The following ATF1 variants were observed in gnomAD, a reference collection of about 807,000 sequenced individuals.
ATF1 encodes the protein cyclic AMP-dependent transcription factor ATF-1.
A neutral mutation model predicts 34.7 loss-of-function variants in ATF1; 16 were observed. That is an observed-to-expected ratio of 0.46 (90% confidence interval 0.31 to 0.70). The LOEUF (loss-of-function observed/expected upper bound fraction) is 0.70, where lower values mean the gene tolerates loss of function less well. ATF1 is among the 30% of genes least tolerant of loss of function. The pLI, the probability that ATF1 is intolerant of heterozygous loss-of-function variation, is 0.05. For synonymous variants in ATF1, 105 were observed against 113.1 expected (o/e 0.93, Z 0.46); for missense variants, 255 against 321.6 (o/e 0.79, Z 1.58).
chr12:50,785,181 G>A (rs1016821452), intron 2 of ATF1, among the ~76,000 whole-genome samples: 6 of 150,168 alleles, frequency 4.0e-5, no homozygotes, highest in African/African-American at 1.5e-4. Context: ...CCTCTGCTTG[G>A]GAGGCTCAGG....
intron 4 of ATF1, among the ~76,000 whole-genome samples, chr12:50,810,123 G>A (rs1199628980): frequency 1.3e-5 from 2 of 150,574 alleles, no homozygotes; most frequent in African/African-American, 4.9e-5. Context: ...ATGAGCCACT[G>A]CGCCTGGCCT....
chr12:50,773,932 G>T (rs1940847276), intron 1 of ATF1, among the ~76,000 whole-genome samples: 1 of 152,110 alleles, frequency 6.6e-6, no homozygotes, highest in African/African-American at 2.4e-5. Flanking sequence ...TCTCATTGCG[G>T]TTTTGATTTA....
chr12:50,764,537 C>T (rs1468710627), intron 1 of ATF1: 1 of 152,368 alleles, frequency 6.6e-6, no homozygotes, highest in Non-Finnish European at 1.5e-5. Context: ...TCCTCCTTTC[C>T]CTCGCCCCCA....
At chr12:50,774,859 C>G (rs1940874330) in intron 1 of ATF1, among the ~76,000 whole-genome samples, 1 of 151,166 alleles carries the variant, frequency 6.6e-6, no homozygotes, top group African/African-American at 2.4e-5. Context: ...GCCATTCTCC[C>G]TCCTCAGCCT....
intron 3 of ATF1, among the ~76,000 whole-genome samples, chr12:50,804,739 A>C (rs1941580768): frequency 6.6e-6 from 1 of 152,196 alleles, no homozygotes; most frequent in Admixed American, 6.5e-5. Flanking sequence ...GATACATTAG[A>C]ACTTACAGTC....
intron 1 of ATF1, among the ~76,000 whole-genome samples, chr12:50,772,444 A>G (rs1029231902): frequency 6.7e-6 from 1 of 150,122 alleles, no homozygotes. Flanking sequence ...CTCCTTCCTC[A>G]GCCTCCCAAG....
chr12:50,783,506 C>T (rs1199137553), intron 2 of ATF1, among the ~76,000 whole-genome samples: 1 of 152,166 alleles, frequency 6.6e-6, no homozygotes. Flanking sequence ...TCCTCAGAAG[C>T]ATATTTACGG....
At chr12:50,813,565 G>C (rs936485036) in intron 4 of ATF1, among the ~76,000 whole-genome samples, 4 of 152,150 alleles carry the variant, frequency 2.6e-5, no homozygotes, top group Admixed American at 2.0e-4. Context: ...TGTAATCCCA[G>C]CACTTTGGGA....
intron 2 of ATF1, among the ~76,000 whole-genome samples, chr12:50,783,504 A>G (rs562996965): frequency 5.3e-5 from 8 of 152,348 alleles, no homozygotes; most frequent in African/African-American, 1.9e-4. Context: ...TTTCCTCAGA[A>G]GCATATTTAC....
intron 2 of ATF1, among the ~76,000 whole-genome samples, chr12:50,787,365 A>G (rs1216904292): frequency 6.6e-6 from 1 of 152,234 alleles, no homozygotes; most frequent in Non-Finnish European, 1.5e-5. Context: ...CCAGTGGGAA[A>G]GGTAGAAAAC....
intron 1 of ATF1, among the ~76,000 whole-genome samples, chr12:50,777,046 G>A (rs1473121565): frequency 6.6e-6 from 1 of 152,020 alleles, no homozygotes; most frequent in South Asian, 2.1e-4. Context: ...TAGAGATGGG[G>A]TTTCACTGTG....
At position 50,814,250 on chromosome 12, in the gene ATF1, C is replaced by G. The variant is rs547316482; in HGVS notation, c.512-30C>G. On this transcript the variant is annotated intron_variant, in intron 5 of 6. Transcript: ENST00000262053. ...TAACACTGTCAGAGACACTTACTAA[C>G]TAACTCATTCACTCTTGTTTACCAT... 39 of 1,613,552 alleles carry G rather than the reference C, an allele frequency of 2.4e-5. No individual in the cohort carries two copies. The East Asian group carries it at 8.0e-4, about 33-fold the overall frequency.
chr12:50,795,206 A>G (rs1941386244), intron 2 of ATF1, among the ~76,000 whole-genome samples: 2 of 152,152 alleles, frequency 1.3e-5, no homozygotes, highest in Admixed American at 6.5e-5. Context: ...ACAGCATTGG[A>G]CATGGTTGAT....
intron 2 of ATF1, among the ~76,000 whole-genome samples, chr12:50,791,009 TTCTC>T (rs1236127981): frequency 2.6e-5 from 4 of 152,098 alleles, no homozygotes. Context: ...GAATTGAACT[TTCTC>T]AGGCAGGTGT....
chr12:50,814,981 G>T (rs35353300), intron 6 of ATF1, among the ~76,000 whole-genome samples: 53,061 of 151,724 alleles, frequency 0.35, 9,535 homozygotes, highest in Non-Finnish European at 0.39. Context: ...AATTAGCTGG[G>T]CGTGGTGGCG....
At chr12:50,805,561 C>CAAAA (rs370613978) in intron 3 of ATF1, among the ~76,000 whole-genome samples, 2 of 53,802 alleles carry the variant, frequency 3.7e-5, no homozygotes, top group Admixed American at 2.0e-4. Context: ...CTGTCTGTCT[C>CAAAA]AAAAAAAAAA....
chr12:50,779,252 G>A (rs1403210772), intron 1 of ATF1, among the ~76,000 whole-genome samples: 2 of 152,152 alleles, frequency 1.3e-5, no homozygotes, highest in Non-Finnish European at 2.9e-5. Context: ...TTCTCCTTGA[G>A]ACCGTGCTTT....
At chr12:50,798,671 A>G (rs1386557405) in intron 3 of ATF1, among the ~76,000 whole-genome samples, 1 of 152,122 alleles carries the variant, frequency 6.6e-6, no homozygotes, top group Non-Finnish European at 1.5e-5. Flanking sequence ...CTGAAAAGAA[A>G]CTTCTCAAAG....
Position 50,780,165 on chromosome 12 carries a change from G to A in ATF1, c.20G>A (p.Ser7Asn), listed in dbSNP as rs371703036. MEDSHK[S>N]TTSETAPQPG... ...TTGATTATGGAAGATTCCCACAAGA[G>A]TACCACGTCAGAGACAGCACCTCAA... Residue 7 changes from serine (S) to asparagine (N), a missense_variant, in exon 2 of 7, where the codon AGT (serine) becomes AAT (asparagine). This residue lies in a region of ATF1 where 221 missense variants were observed against 250.7 expected (regional missense o/e 0.88). Transcript: ENST00000262053. 225 of 1,612,948 alleles carry A rather than the reference G, an allele frequency of 1.4e-4. No homozygotes were observed. The highest frequency in any genetic ancestry group is 1.9e-4 in the Non-Finnish European group (219 of 1,179,314).
Sources: gnomAD v4.1 joint callset for allele counts (sites outside exome capture counted in the v4.1 genomes callset) on GRCh38, gnomAD v4.1.1 for gene constraint, gnomAD v4.1.1 regional missense constraint, MANE v1.5 for transcripts, NCBI Gene and HGNC (gene_info 2026-07-23, HGNC 2026-07-21) for gene names.